Variants in TFEB observed in about 807,000 individuals in gnomAD.
TFEB encodes the protein T-cell transcription factor EB.
Under a neutral mutation model 48.0 loss-of-function variants are expected in TFEB, and 12 were observed. That is an observed-to-expected ratio of 0.25 (90% CI 0.16 to 0.40). The LOEUF (loss-of-function observed/expected upper bound fraction) is 0.40. Among genes scored for constraint, TFEB ranks in the 10% least tolerant of loss-of-function variants. TFEB has a pLI of 1.00. For missense variants in TFEB, 509 were observed against 640.3 expected, an observed-to-expected ratio of 0.79 and a Z score of 2.21; for synonymous variants, 244 against 261.4, an observed-to-expected ratio of 0.93 and a Z score of 0.64.
Position 41,734,971 on chromosome 6 carries a change from C to A in TFEB, c.-23+379G>T, listed in dbSNP as rs1408097416. On this transcript the variant is annotated intron_variant, in intron 1 of 8. Coordinates refer to ENST00000373033, the MANE Select transcript of TFEB (RefSeq NM_001271944.2). This position sits in a 1 kb window ranked among gnomAD's most constrained non-coding sequence, Gnocchi z 4.0. ...AGGGGGAGTGGGCGCGGGGCCCGCG[C>A]GTCCCTCAAACTTCTTGCGAGTTCA... The A allele has an allele frequency of 3.0e-6, 3 of 985,378 alleles. No individual in the cohort carries two copies. The highest frequency in any genetic ancestry group is 3.6e-6 in the Non-Finnish European group (3 of 830,010). The allele number at this position is 985,378 out of a possible 1,614,324, so 61.0% of individuals were successfully genotyped here. A position where few individuals can be genotyped will look rare whatever the true frequency, so the allele number is the denominator to read the frequency against.
chr6:41,689,007 C>T (rs1769157023), intron 4 of TFEB, among the ~76,000 whole-genome samples: 1 of 152,206 alleles, frequency 6.6e-6, no homozygotes, highest in South Asian at 2.1e-4. Flanking sequence ...ACACACCTGC[C>T]ACCTTTGTAG....
At chr6:41,712,520 A>G (rs529278010) in intron 1 of TFEB, among the ~76,000 whole-genome samples, 5 of 152,294 alleles carry the variant, frequency 3.3e-5, no homozygotes, top group Non-Finnish European at 7.4e-5. Context: ...GAACAGGACT[A>G]AGTCTCCCTG....
At chr6:41,729,823 G>A (rs973064365) in intron 1 of TFEB, among the ~76,000 whole-genome samples, 7 of 152,230 alleles carry the variant, frequency 4.6e-5, no homozygotes, top group African/African-American at 1.4e-4. Flanking sequence ...CTTCAAAAGG[G>A]GACAGGCCTA....
chr6:41,705,800 C>G (rs773363471), intron 1 of TFEB: 2 of 152,228 alleles, frequency 1.3e-5, no homozygotes, highest in African/African-American at 2.4e-5. Context: ...TCAGTCTGGT[C>G]GCAGCAGGGT....
intron 1 of TFEB, among the ~76,000 whole-genome samples, chr6:41,700,420 C>T (rs1381645599): frequency 6.1e-5 from 9 of 148,678 alleles, no homozygotes; most frequent in African/African-American, 2.2e-4. Context: ...GAGCCGAGAT[C>T]TCGCCACTGC....
upstream of TFEB, chr6:41,736,107 C>T: frequency 6.2e-7 from 1 of 1,612,708 alleles, no homozygotes; most frequent in South Asian, 1.1e-5. Flanking sequence ...AGAAGGCAGC[C>T]TGCCCCCATT....
At chr6:41,716,564 A>T (rs531134700) in intron 1 of TFEB, among the ~76,000 whole-genome samples, 1 of 152,322 alleles carries the variant, frequency 6.6e-6, no homozygotes, top group South Asian at 2.1e-4. Flanking sequence ...CACCTACTGC[A>T]TGCCAAGCTT....
At chr6:41,700,137 G>A (rs112496306) in intron 1 of TFEB, among the ~76,000 whole-genome samples, 10 of 152,280 alleles carry the variant, frequency 6.6e-5, no homozygotes, top group African/African-American at 2.2e-4. Context: ...ACTTACTGAG[G>A]ACTGACCAAC....
chr6:41,728,371 G>C (rs768488400), intron 1 of TFEB, among the ~76,000 whole-genome samples: 21 of 152,168 alleles, frequency 1.4e-4, no homozygotes, highest in Non-Finnish European at 2.8e-4. Context: ...GGCAGCGCCA[G>C]CTGCCCTCTG....
chr6:41,722,957 T>C (rs1245054108), intron 1 of TFEB, among the ~76,000 whole-genome samples: 1 of 152,122 alleles, frequency 6.6e-6, no homozygotes, highest in Non-Finnish European at 1.5e-5. Flanking sequence ...CAGAGGAGGA[T>C]AACTTGCCAG....
intron 1 of TFEB, among the ~76,000 whole-genome samples, chr6:41,705,300 T>C (rs546793821): frequency 2.0e-5 from 3 of 152,204 alleles, no homozygotes; most frequent in East Asian, 3.9e-4. Flanking sequence ...ATCTGAACAA[T>C]GAGAAACCTA....
rs1269763883 is a variant in TFEB, at chr6:41,724,002, C to T, written c.-23+11348G>A. ...ATCTTCCTGACTGGCCATACACCTG[C>T]AGTCTTGGCCTTGGGCCTTCCCAGG... is the stretch of plus-strand genomic sequence containing the variant. On this transcript the variant is annotated intron_variant, in intron 1 of 8. Coordinates refer to ENST00000373033, the MANE Select transcript of TFEB (RefSeq NM_001271944.2). This position sits in a 1 kb window ranked among gnomAD's most constrained non-coding sequence, Gnocchi z 4.4. 1.5e-5 allele frequency: 7 copies of T among 481,348 alleles called. No individual in the cohort carries two copies. Among genetic ancestry groups the T allele is most frequent in the African/African-American group, 1.4e-4 (7 of 50,666 alleles). The allele number at this position is 481,348 out of a possible 1,614,324, so 29.8% of individuals were successfully genotyped here. A position where few individuals can be genotyped will look rare whatever the true frequency, so the allele number is the denominator to read the frequency against.
At chr6:41,693,105 T>A (rs1483106373) in intron 1 of TFEB, among the ~76,000 whole-genome samples, 1 of 152,142 alleles carries the variant, frequency 6.6e-6, no homozygotes, top group African/African-American at 2.4e-5. Context: ...CTGATCAGTG[T>A]GGACCAGAAG....
In TFEB at chr6:41,708,010, T is replaced by A. The variant is rs143204418; in HGVS notation, c.-22-16775A>T. On this transcript the variant is annotated intron_variant, in intron 1 of 8. Transcript: ENST00000373033. ...TCTAGGCTCTGTGGCGCTCAGCACGTCTGTACCTCCCTCTAGGAGAGGATG... is the reference window on the plus strand; with the variant it reads ...TCTAGGCTCTGTGGCGCTCAGCACGACTGTACCTCCCTCTAGGAGAGGATG... Among the ~76,000 whole-genome samples the A allele has an allele frequency of 4.6e-5, 7 of 152,308 alleles. 1 individual carries two copies. In the East Asian group the frequency reaches 1.3e-3, roughly 29 times the overall value.
At chr6:41,716,700 A>T (rs1319872939) in intron 1 of TFEB, among the ~76,000 whole-genome samples, 1 of 152,070 alleles carries the variant, frequency 6.6e-6, no homozygotes, top group Non-Finnish European at 1.5e-5. Flanking sequence ...TGGCTGCACC[A>T]GATGTTGGCA....
chr6:41,735,240 G>T, intron 1 of TFEB, 110 bp downstream of exon 1: 3 of 938,870 alleles, frequency 3.2e-6, no homozygotes, highest in Non-Finnish European at 3.8e-6. Context: ...TCTCCTGCCG[G>T]CATCCCCCAC....
At chr6:41,699,030 G>C (rs542360151) in intron 1 of TFEB, among the ~76,000 whole-genome samples, 4 of 152,336 alleles carry the variant, frequency 2.6e-5, no homozygotes, top group African/African-American at 9.6e-5. Context: ...ACGACTCCCA[G>C]GAGCCAGCAG....
At chr6:41,697,506 C>CA (rs1482495202) in intron 1 of TFEB, among the ~76,000 whole-genome samples, 1 of 150,244 alleles carries the variant, frequency 6.7e-6, no homozygotes, top group Non-Finnish European at 1.5e-5. Flanking sequence ...TCTCCAAACC[C>CA]CCCCCCTTCC....
chr6:41,728,016 G>A (rs561946774), intron 1 of TFEB, among the ~76,000 whole-genome samples: 1 of 152,220 alleles, frequency 6.6e-6, no homozygotes, highest in African/African-American at 2.4e-5. Context: ...AGGTGGAAAG[G>A]GCTGAGGGCC....
Sources: allele counts gnomAD v4.1 joint callset (sites outside exome capture counted in the v4.1 genomes callset), GRCh38; gene constraint gnomAD v4.1.1; non-coding constraint Gnocchi (gnomAD v3.1); transcripts MANE v1.5; gene names NCBI Gene and HGNC (gene_info 2026-07-23, HGNC 2026-07-21).